Variants in XPO1 observed in about 807,000 individuals in gnomAD.
The protein encoded by XPO1 is exportin-1.
Under a neutral mutation model 133.3 loss-of-function variants are expected in XPO1, and 5 were observed. That is an observed-to-expected ratio of 0.04 (90% confidence interval 0.02 to 0.08). The LOEUF is 0.08. XPO1 is among the 10% of genes least tolerant of loss of function. The pLI, the probability that XPO1 is intolerant of heterozygous loss-of-function variation, is 1.00. For missense variants in XPO1, 506 were observed against 1,267.5 expected, an observed-to-expected ratio of 0.40 and a Z score of 9.12; for synonymous variants, 419 against 408.2, an observed-to-expected ratio of 1.03 and a Z score of -0.32.
chr2:61,518,727 A>C (rs1346202901), intron 4 of XPO1, among the ~76,000 whole-genome samples: 1 of 152,194 alleles, frequency 6.6e-6, no homozygotes, highest in Non-Finnish European at 1.5e-5. Context: ...AAAGTGACTA[A>C]AACAGCCAAG....
chr2:61,494,986 C>T (rs1178721284), intron 11 of XPO1, among the ~76,000 whole-genome samples: 1 of 151,768 alleles, frequency 6.6e-6, no homozygotes, highest in East Asian at 1.9e-4. Context: ...GGATTACAGT[C>T]ATGTGACACC....
In XPO1 at chr2:61,535,980, G is replaced by A. The variant is rs1438006786; in HGVS notation, c.-7+1582C>T. On this transcript the variant is annotated intron_variant, in intron 1 of 24. Coordinates refer to ENST00000401558, the MANE Select transcript of XPO1 (RefSeq NM_003400.4). The stretch of plus-strand genomic sequence containing the variant: ...TGTATCAAAAGTTTTCAAATATTTC[G>A]GTTAAATATTGAACAAACTTTTCAC... Among the ~76,000 whole-genome samples, 4 of 152,030 alleles carry A rather than the reference G, an allele frequency of 2.6e-5. No individual in the cohort carries two copies. The East Asian group carries it at 7.7e-4, about 29-fold the overall frequency.
chr2:61,500,019 TTTA>T, intron 6 of XPO1, 125 bp from the exon 7 acceptor site: 1 of 960,584 alleles, frequency 1.0e-6, no homozygotes. Context: ...TTTCTCCTCC[TTTA>T]TTAAAGGAAG....
chr2:61,496,314 C>A (rs1419072259), intron 10 of XPO1, among the ~76,000 whole-genome samples: 3 of 152,096 alleles, frequency 2.0e-5, no homozygotes, highest in Non-Finnish European at 4.4e-5. Flanking sequence ...TAGGCTCAAG[C>A]GATCCTATTG....
intron 16 of XPO1, among the ~76,000 whole-genome samples, chr2:61,491,193 T>C (rs1696964697): frequency 6.6e-6 from 1 of 151,722 alleles, no homozygotes; most frequent in Non-Finnish European, 1.5e-5. Flanking sequence ...GGCATGGTGG[T>C]GGCTCACGCC....
chr2:61,507,771 G>A (rs770201810), intron 4 of XPO1, among the ~76,000 whole-genome samples: 7 of 151,974 alleles, frequency 4.6e-5, no homozygotes, highest in African/African-American at 9.7e-5. Flanking sequence ...CCAGCTACTC[G>A]GGAGGCTGAG....
intron 16 of XPO1, 139 bp downstream of exon 16, chr2:61,491,896 T>C: frequency 9.2e-7 from 1 of 1,090,084 alleles, no homozygotes; most frequent in Non-Finnish European, 1.3e-6. Flanking sequence ...TAAGACCCTG[T>C]CTCAAGGAAA....
At chr2:61,484,373 A>C (rs1016595768) in intron 20 of XPO1, 6 of 348,326 alleles carry the variant, frequency 1.7e-5, no homozygotes, top group African/African-American at 1.3e-4. Flanking sequence ...TATTACCATA[A>C]GACTACTACT....
intron 4 of XPO1, among the ~76,000 whole-genome samples, chr2:61,516,382 T>C (rs1698391774): frequency 6.6e-6 from 1 of 152,084 alleles, no homozygotes; most frequent in Non-Finnish European, 1.5e-5. Flanking sequence ...ACTTTTTTCA[T>C]AAATTCGCTT....
intron 24 of XPO1, among the ~76,000 whole-genome samples, chr2:61,480,885 AAAG>A (rs1398272731): frequency 6.6e-6 from 1 of 152,102 alleles, no homozygotes; most frequent in African/African-American, 2.4e-5. Flanking sequence ...AAAATTATAA[AAAG>A]AACTACCAAC....
chr2:61,518,880 C>T (rs550173822), intron 4 of XPO1, among the ~76,000 whole-genome samples: 1 of 152,136 alleles, frequency 6.6e-6, no homozygotes, highest in African/African-American at 2.4e-5. Flanking sequence ...TTTATTATCT[C>T]GCCATTTCTC....
chr2:61,494,138 ACTT>A, intron 11 of XPO1, 47 bp from the exon 12 acceptor site: 1 of 1,543,248 alleles, frequency 6.5e-7, no homozygotes, highest in African/African-American at 1.4e-5. Context: ...AACATTACCA[ACTT>A]CAAATTGCTT....
intron 21 of XPO1, chr2:61,483,605 A>T (rs1696521729): frequency 5.3e-6 from 1 of 190,086 alleles, no homozygotes; most frequent in Non-Finnish European, 1.1e-5. Context: ...AAAAAATTAC[A>T]ATCTAAGTTA....
intron 17 of XPO1, among the ~76,000 whole-genome samples, chr2:61,490,292 G>C (rs530927295): frequency 6.6e-6 from 1 of 150,636 alleles, no homozygotes; most frequent in African/African-American, 2.4e-5. Context: ...TCTGCCTCTT[G>C]GGTTCAAGTG....
chr2:61,500,659 G>A (rs1205864777), intron 6 of XPO1, among the ~76,000 whole-genome samples: 1 of 150,576 alleles, frequency 6.6e-6, no homozygotes, highest in Non-Finnish European at 1.5e-5. Flanking sequence ...ATTAGCCAGG[G>A]GTGGTGGCGC....
chr2:61,518,320 A>C (rs1242787984), intron 4 of XPO1, among the ~76,000 whole-genome samples: 1 of 151,670 alleles, frequency 6.6e-6, no homozygotes, highest in Non-Finnish European at 1.5e-5. Context: ...TGGGAGGCCG[A>C]GGCAGGCGGA....
chr2:61,513,690 A>G (rs12617911), intron 4 of XPO1, among the ~76,000 whole-genome samples: 93,661 of 151,914 alleles, frequency 0.62, 28,949 homozygotes, highest in Middle Eastern at 0.7. Flanking sequence ...AACACAAAAA[A>G]CATCAACTAT....
chr2:61,536,830 C>T (rs1053016736), intron 1 of XPO1: 1 of 152,538 alleles, frequency 6.6e-6, no homozygotes, highest in East Asian at 1.9e-4. Flanking sequence ...CTGAATGCTT[C>T]CTCTACTACA....
At chr2:61,519,558 G>T (rs1307925663) in intron 4 of XPO1, among the ~76,000 whole-genome samples, 4 of 151,036 alleles carry the variant, frequency 2.6e-5, no homozygotes, top group Middle Eastern at 6.8e-3. Flanking sequence ...AATTAGCTGG[G>T]TGTGGTGGCG....
Sources: allele counts gnomAD v4.1 joint callset (sites outside exome capture counted in the v4.1 genomes callset), GRCh38; gene constraint gnomAD v4.1.1; transcripts MANE v1.5; gene names NCBI Gene and HGNC (gene_info 2026-07-23, HGNC 2026-07-21).